Variants in FBP1 observed in about 807,000 individuals in gnomAD.
FBP1 encodes fructose-bisphosphatase 1.
FBP1 carries 22 observed loss-of-function variants against 29.9 expected under a neutral mutation model. The ratio of observed to expected loss-of-function variants is 0.74; its 90% CI spans 0.53 to 1.05. The LOEUF (loss-of-function observed/expected upper bound fraction) is 1.05, where lower values mean the gene tolerates loss of function less well. Among genes scored for constraint, FBP1 ranks in the 50% least tolerant of loss-of-function variants. The pLI is 0.00. For synonymous variants in FBP1, 175 were observed against 178.6 expected, an observed-to-expected ratio of 0.98 and a Z score of 0.16; for missense variants, 345 against 448.2, an observed-to-expected ratio of 0.77 and a Z score of 2.08.
At chr9:94,620,126 C>T (rs757750221) in intron 2 of FBP1, among the ~76,000 whole-genome samples, 2 of 152,052 alleles carry the variant, frequency 1.3e-5, no homozygotes, top group African/African-American at 2.4e-5. Flanking sequence ...GAGAAGGCGG[C>T]GTGAGCCACA....
chr9:94,609,400 T>G (rs1827749615), intron 4 of FBP1, among the ~76,000 whole-genome samples: 2 of 152,180 alleles, frequency 1.3e-5, no homozygotes, highest in Admixed American at 6.5e-5. Flanking sequence ...ACAGAATATC[T>G]ACAGCCCCAT....
At chr9:94,630,873 G>A (rs898139997) in intron 1 of FBP1, among the ~76,000 whole-genome samples, 4 of 152,130 alleles carry the variant, frequency 2.6e-5, no homozygotes, top group Admixed American at 6.5e-5. Flanking sequence ...CGGTGCACCT[G>A]GTTCATAGTA....
At chr9:94,606,739 G>T in intron 5 of FBP1, 76 bp downstream of exon 5, 2 of 1,456,306 alleles carry the variant, frequency 1.4e-6, no homozygotes, top group Non-Finnish European at 1.9e-6. Flanking sequence ...ATCTCCGGGG[G>T]ATGCCCCTGC....
chr9:94,625,048 A>C (rs1828002512), intron 1 of FBP1, among the ~76,000 whole-genome samples: 1 of 150,908 alleles, frequency 6.6e-6, no homozygotes, highest in Non-Finnish European at 1.5e-5. Context: ...TTGTGGGATT[A>C]AATGAAAGTA....
chr9:94,626,341 T>A (rs1663613887), intron 1 of FBP1, among the ~76,000 whole-genome samples: 1 of 152,120 alleles, frequency 6.6e-6, no homozygotes, highest in Admixed American at 6.6e-5. Context: ...AAACAGTGGG[T>A]CAAGAGAATA....
intron 4 of FBP1, among the ~76,000 whole-genome samples, chr9:94,609,202 AAAAAG>A (rs1203484939): frequency 3.0e-4 from 41 of 135,410 alleles, no homozygotes; most frequent in African/African-American, 1.5e-3. Flanking sequence ...AAAAAAAAAA[AAAAAG>A]AAAGAAAGAC....
intron 4 of FBP1, among the ~76,000 whole-genome samples, chr9:94,609,692 A>G (rs1563980125): frequency 6.6e-6 from 1 of 152,144 alleles, no homozygotes; most frequent in African/African-American, 2.4e-5. Flanking sequence ...CATTGGAACA[A>G]AGACCCCCTC....
rs747766492 is a variant in FBP1 at position 94,620,468 on chromosome 9, T to C, written c.194A>G (p.Asn65Ser). Residue 65 changes from asparagine (N) to serine (S), a missense_variant, in exon 2 of 7, where the codon AAC (asparagine) becomes AGC (serine). Transcript: ENST00000375326. ...CTTCTTAACTTGATCACCTGTCACG[T>C]TGGTAGAACCAGCAATGCCATAGCT... Reference protein sequence around the residue: ...AHLYGIAGSTNVTGDQVKKLD... With the variant: ...AHLYGIAGSTSVTGDQVKKLD... 2.6e-5 allele frequency: 42 copies of C among 1,614,068 alleles called. No homozygotes were observed. Among genetic ancestry groups the C allele is most frequent in the Admixed American group, 3.3e-5 (2 of 60,010 alleles).
chr9:94,620,434 G>A lies in FBP1; in HGVS notation c.228C>T (p.Val76=), dbSNP rs1173754724. ...VTGDQVKKLD[V]LSNDLVMNML... ...TGTTCATAACCAGGTCGTTGGAGAG[G>A]ACGTCCAGCTTCTTAACTTGATCAC... Residue 76 remains valine (V), a synonymous_variant, in exon 2 of 7, where the codon GTC becomes GTT. Transcript: ENST00000375326. The A allele has an allele frequency of 3.1e-6, 5 of 1,614,160 alleles. No homozygotes were observed. The highest frequency in any genetic ancestry group is 3.4e-6 in the Non-Finnish European group (4 of 1,180,022).
chr9:94,630,510 A>C (rs1828087011), intron 1 of FBP1, among the ~76,000 whole-genome samples: 1 of 152,190 alleles, frequency 6.6e-6, no homozygotes, highest in African/African-American at 2.4e-5. Context: ...GCTCTGCTCC[A>C]TGCTCAGCAG....
intron 1 of FBP1, among the ~76,000 whole-genome samples, chr9:94,626,082 ACG>A (rs1828022689): frequency 6.6e-6 from 1 of 152,180 alleles, no homozygotes; most frequent in Admixed American, 6.5e-5. Context: ...TTTCTTGGGA[ACG>A]CCTCTTCTCT....
chr9:94,603,403 T>C lies in FBP1; in HGVS notation c.995A>G (p.Tyr332Cys), dbSNP rs1054322109. ...TGCTCACTGGGCAGAGTGCTTCTCA[T>C]ACACCTTCAGGAACTCGAGCACGTC... ...PDDVLEFLKVYEKHSAQ is the reference protein window; with the variant it reads ...PDDVLEFLKVCEKHSAQ Residue 332 changes from tyrosine (Y) to cysteine (C), a missense_variant, in exon 7 of 7, where the codon TAT becomes TGT. Tyr to Cys is a radical substitution (Grantham distance 194). Coordinates refer to ENST00000375326, the MANE Select transcript of FBP1 (RefSeq NM_000507.4). 6.2e-6 allele frequency: 10 copies of C among 1,613,938 alleles called. No individual in the cohort carries two copies. The highest frequency in any genetic ancestry group is 1.3e-5 in the African/African-American group (1 of 75,058).
chr9:94,609,190 G>GAA (rs869220165), intron 4 of FBP1, among the ~76,000 whole-genome samples: 5 of 112,012 alleles, frequency 4.5e-5, no homozygotes, highest in Admixed American at 2.0e-4. Flanking sequence ...CTACATCTCA[G>GAA]AAAAAAAAAA....
chr9:94,611,599 T>C (rs2993912), intron 3 of FBP1, among the ~76,000 whole-genome samples: 1 of 151,334 alleles, frequency 6.6e-6, no homozygotes, highest in Non-Finnish European at 1.5e-5. Context: ...CGAAAAAAAA[T>C]TTTTTTTTAA....
At chr9:94,629,678 C>T (rs1484159054) in intron 1 of FBP1, among the ~76,000 whole-genome samples, 1 of 152,112 alleles carries the variant, frequency 6.6e-6, no homozygotes, top group Non-Finnish European at 1.5e-5. Flanking sequence ...AGTCTCTCAA[C>T]CCCCACCAAG....
intron 1 of FBP1, among the ~76,000 whole-genome samples, chr9:94,625,867 G>A (rs1828019048): frequency 6.6e-6 from 1 of 151,908 alleles, no homozygotes; most frequent in South Asian, 2.1e-4. Context: ...GGACAGGGCC[G>A]CCCGCATCCA....
intron 1 of FBP1, 55 bp from the exon 2 acceptor site, chr9:94,620,546 G>A (rs1212835044): frequency 6.4e-7 from 1 of 1,567,924 alleles, no homozygotes; most frequent in African/African-American, 1.4e-5. Context: ...ACATGTAGAT[G>A]AGTCCATAAA....
chr9:94,620,556 A>T, intron 1 of FBP1, 65 bp from the exon 2 acceptor site: 1 of 1,510,134 alleles, frequency 6.6e-7, no homozygotes, highest in Non-Finnish European at 9.1e-7. Flanking sequence ...GAGTCCATAA[A>T]CCCACCAAAA....
chr9:94,612,713 C>G (rs560319490), intron 3 of FBP1, among the ~76,000 whole-genome samples: 1 of 151,912 alleles, frequency 6.6e-6, no homozygotes, highest in Non-Finnish European at 1.5e-5. Flanking sequence ...CCCACCACCA[C>G]GCCTGGCTAA....
Sources: allele counts gnomAD v4.1 joint callset (sites outside exome capture counted in the v4.1 genomes callset), GRCh38; gene constraint gnomAD v4.1.1; transcripts MANE v1.5; gene names NCBI Gene and HGNC (gene_info 2026-07-23, HGNC 2026-07-21).